The following COBL variants were observed in gnomAD, a reference collection of about 807,000 sequenced individuals.
COBL encodes the protein cordon-bleu WH2 repeat protein, also known as protein cordon-bleu.
COBL carries 51 observed loss-of-function variants against 98.8 expected under a neutral mutation model. The ratio of observed to expected loss-of-function variants is 0.52; its 90% confidence interval spans 0.41 to 0.65. COBL has a LOEUF of 0.65. Among genes scored for constraint, COBL ranks in the 30% least tolerant of loss-of-function variants. COBL has a pLI of 0.00. For synonymous variants in COBL, 634 were observed against 651.7 expected (o/e 0.97, Z 0.41); for missense variants, 1,617 against 1,617.5 (o/e 1.00, Z 0.01).
At chr7:51,129,581 AG>A (rs568914727) in intron 6 of COBL, among the ~76,000 whole-genome samples, 3 of 152,168 alleles carry the variant, frequency 2.0e-5, no homozygotes, top group Non-Finnish European at 4.4e-5. Context: ...TAGGTGTGTC[AG>A]GGAACACAGA....
intron 7 of COBL, among the ~76,000 whole-genome samples, chr7:51,070,399 A>ACACACACACACACACACACACACACG (rs1562871119): frequency 2.6e-5 from 4 of 151,502 alleles, no homozygotes; most frequent in African/African-American, 9.7e-5. Flanking sequence ...TAAAACACAC[A>ACACACACACACACACACACACACACG]CACACACACA....
At chr7:51,026,752 G>T in intron 10 of COBL, 87 bp from the exon 11 acceptor site, 2 of 1,507,654 alleles carry the variant, frequency 1.3e-6, no homozygotes, top group Non-Finnish European at 9.0e-7. Flanking sequence ...CCACTCATGG[G>T]CCAGGCACGG....
intron 7 of COBL, among the ~76,000 whole-genome samples, chr7:51,067,241 G>C (rs1282128991): frequency 6.6e-6 from 1 of 152,246 alleles, no homozygotes; most frequent in Non-Finnish European, 1.5e-5. Flanking sequence ...GGATGTATGA[G>C]TGCACGCACG....
chr7:51,187,325 TATATATACAC>T (rs979849087), intron 4 of COBL, among the ~76,000 whole-genome samples: 1 of 136,194 alleles, frequency 7.3e-6, no homozygotes, highest in African/African-American at 3.2e-5. Flanking sequence ...TATATATATA[TATATATACAC>T]ACACACACAC....
chr7:51,259,954 A>G (rs1179328866), intron 1 of COBL: 5 of 756,302 alleles, frequency 6.6e-6, no homozygotes, highest in African/African-American at 5.1e-5. Context: ...TTTCACTTCT[A>G]GTCATCTGAG....
At chr7:51,234,423 G>A (rs995299455) in intron 1 of COBL, among the ~76,000 whole-genome samples, 2 of 152,228 alleles carry the variant, frequency 1.3e-5, no homozygotes, top group Non-Finnish European at 2.9e-5. Context: ...CGAAAAGGCC[G>A]AGCGCAGTGA....
intron 4 of COBL, among the ~76,000 whole-genome samples, chr7:51,187,127 T>C (rs1789602254): frequency 6.6e-6 from 1 of 151,896 alleles, no homozygotes; most frequent in Non-Finnish European, 1.5e-5. Context: ...AATTGCAGAG[T>C]GGCAGAGAAG....
chr7:51,162,925 A>T (rs1562982646), intron 5 of COBL, among the ~76,000 whole-genome samples: 1 of 152,246 alleles, frequency 6.6e-6, no homozygotes, highest in Admixed American at 6.5e-5. Flanking sequence ...GAGCACCAAT[A>T]AAGCCAATAC....
chr7:51,161,287 G>A (rs1418867183), intron 5 of COBL, among the ~76,000 whole-genome samples: 3 of 152,202 alleles, frequency 2.0e-5, no homozygotes, highest in Non-Finnish European at 4.4e-5. Context: ...CTGGAGACCC[G>A]GATCAGCTGG....
chr7:51,110,653 G>A (rs1449987066), intron 6 of COBL, among the ~76,000 whole-genome samples: 1 of 152,134 alleles, frequency 6.6e-6, no homozygotes, highest in African/African-American at 2.4e-5. Flanking sequence ...GGTATATACT[G>A]CACCATATTT....
intron 7 of COBL, among the ~76,000 whole-genome samples, chr7:51,059,878 G>A (rs1202792868): frequency 1.3e-5 from 2 of 152,206 alleles, no homozygotes; most frequent in Admixed American, 6.5e-5. Context: ...AACGTGGCCT[G>A]TTTTTTGCTA....
At chr7:51,019,897 C>T (rs187393661) in intron 12 of COBL, among the ~76,000 whole-genome samples, 2 of 152,156 alleles carry the variant, frequency 1.3e-5, no homozygotes, top group African/African-American at 4.8e-5. Flanking sequence ...ATATGAGGAC[C>T]TAGGGCTTAG....
intron 8 of COBL, chr7:51,034,298 C>G (rs757036680): frequency 2.6e-5 from 4 of 152,322 alleles, no homozygotes; most frequent in African/African-American, 7.2e-5. Flanking sequence ...CTGTGTGCAC[C>G]GTGGAGTGAG....
At position 51,187,060 on chromosome 7, in the gene COBL, C is replaced by T. The variant is rs115444712; in HGVS notation, c.686-2861G>A. Reference sequence around the variant, plus strand: ...AGAAAAGTGTGGGAACTCACACAGTCTGCAAGAAAGTTTTACTTTCTGAAG... The same window carrying T: ...AGAAAAGTGTGGGAACTCACACAGTTTGCAAGAAAGTTTTACTTTCTGAAG... On this transcript the variant is annotated intron_variant, in intron 4 of 12. Coordinates refer to ENST00000265136, the MANE Select transcript of COBL (RefSeq NM_015198.5). Among the ~76,000 whole-genome samples the T allele has an allele frequency of 5.9e-3, 900 of 152,188 alleles. 12 individuals carry two copies. Among genetic ancestry groups the T allele is most frequent in the African/African-American group, 0.021 (854 of 41,494 alleles).
intron 12 of COBL, among the ~76,000 whole-genome samples, chr7:51,018,085 G>C (rs1562794239): frequency 6.6e-6 from 1 of 152,328 alleles, no homozygotes; most frequent in East Asian, 1.9e-4. Flanking sequence ...TTTAAATGGT[G>C]TCTGGCACAT....
chr7:51,229,278 C>T (rs755593261), intron 1 of COBL, among the ~76,000 whole-genome samples: 6 of 152,206 alleles, frequency 3.9e-5, no homozygotes, highest in Admixed American at 6.5e-5. Context: ...AGCAAGCCCG[C>T]GGTGCCGGCG....
chr7:51,068,928 G>A (rs1792242926), intron 7 of COBL, among the ~76,000 whole-genome samples: 1 of 152,064 alleles, frequency 6.6e-6, no homozygotes, highest in South Asian at 2.1e-4. Flanking sequence ...TCACATCTAA[G>A]GTTTCTGCTA....
At chr7:51,024,254 A>G (rs964246014) in intron 12 of COBL, among the ~76,000 whole-genome samples, 3 of 152,134 alleles carry the variant, frequency 2.0e-5, no homozygotes, top group Non-Finnish European at 4.4e-5. Context: ...GCTTGCAGTG[A>G]GCCGAGATCG....
chr7:51,127,494 G>A (rs114997060), intron 6 of COBL, among the ~76,000 whole-genome samples: 1,687 of 152,320 alleles, frequency 0.011, 34 homozygotes, highest in African/African-American at 0.039. Flanking sequence ...CTGTACAGAA[G>A]TCACTGGCTG....
Sources: allele counts gnomAD v4.1 joint callset (sites outside exome capture counted in the v4.1 genomes callset), GRCh38; gene constraint gnomAD v4.1.1; transcripts MANE v1.5; gene names NCBI Gene and HGNC (gene_info 2026-07-23, HGNC 2026-07-21).